FBXO38: variants seen among roughly 807,000 people sequenced by gnomAD.
FBXO38 encodes the protein F-box protein 38, also known as F-box only protein 38.
Under a neutral mutation model 131.9 loss-of-function variants are expected in FBXO38, and 53 were observed. The observed-to-expected ratio is 0.40, with a 90% CI of 0.32 to 0.51. The LOEUF (loss-of-function observed/expected upper bound fraction) is 0.51. Ranked by LOEUF, FBXO38 falls within the 20% of genes least tolerant of loss-of-function variation. The pLI is 0.53. For missense variants in FBXO38, 1,076 were observed against 1,475.6 expected (o/e 0.73, Z 4.44); for synonymous variants, 452 against 505.6 (o/e 0.89, Z 1.42).
chr5:148,402,266 G>A (rs748002554), intron 4 of FBXO38, 82 bp from the exon 5 acceptor site: 1,460 of 1,543,298 alleles, frequency 9.5e-4, no homozygotes, highest in Non-Finnish European at 1.2e-3. Context: ...GTTCCATTGT[G>A]TACTTAGCAT....
At position 148,427,733 on chromosome 5, in the gene FBXO38, C is replaced by T. The variant is rs1229191782; in HGVS notation, c.2439C>T (p.Ser813=). The T allele has an allele frequency of 2.3e-5, 37 of 1,613,770 alleles. No homozygotes were observed. The East Asian group carries it at 4.2e-4, about 18-fold the overall frequency. Residue 813 remains serine (S), a synonymous_variant, in exon 15 of 22, where the codon TCC becomes TCT. Coordinates refer to ENST00000340253, the MANE Select transcript of FBXO38 (RefSeq NM_205836.3). ...TGAATGGCCCGGATGGTACGAGATCCGCCTTTTCCTTTAGGACTCTGCCAC... is the reference window on the plus strand; with the variant it reads ...TGAATGGCCCGGATGGTACGAGATCTGCCTTTTCCTTTAGGACTCTGCCAC... The part of the protein sequence containing the change: ...CVVNGPDGTR[S]AFSFRTLPQG...
intron 1 of FBXO38, among the ~76,000 whole-genome samples, chr5:148,387,468 T>C (rs1485437637): frequency 6.6e-6 from 1 of 152,134 alleles, no homozygotes; most frequent in Non-Finnish European, 1.5e-5. Context: ...TCAATCCTGC[T>C]CCTCCTATAA....
At chr5:148,391,298 A>C (rs1758183258) in intron 1 of FBXO38, among the ~76,000 whole-genome samples, 1 of 152,206 alleles carries the variant, frequency 6.6e-6, no homozygotes, top group African/African-American at 2.4e-5. Flanking sequence ...ATATTTGAGG[A>C]TATATTGTGA....
chr5:148,404,207 A>G (rs138323412), intron 5 of FBXO38, among the ~76,000 whole-genome samples: 8 of 152,354 alleles, frequency 5.3e-5, no homozygotes, highest in Admixed American at 2.6e-4. Flanking sequence ...TCTTCCAGAT[A>G]TCTATTTGCA....
At chr5:148,392,117 T>C (rs1758226493) in intron 1 of FBXO38, among the ~76,000 whole-genome samples, 1 of 152,196 alleles carries the variant, frequency 6.6e-6, no homozygotes, top group Admixed American at 6.5e-5. Context: ...AAATTACTTA[T>C]GGCAGGCATA....
rs763088244 is a variant in FBXO38 at position 148,417,033 on chromosome 5, G to A, written c.1447G>A (p.Gly483Ser). The change falls in exon 12 of 22, where the codon GGT (glycine) becomes AGT (serine). Residue 483 changes from glycine to serine, a missense_variant. Around this residue, in one of 8 missense-constraint regions of FBXO38, gnomAD observed 146 missense variants for 274.3 expected, o/e 0.53. Transcript: ENST00000340253. ...RVGLSAGTGI[G>S]VSSALVSNQN... ...TGGTCTGAGTGCAGGCACAGGAATT[G>A]GTGTTTCATCAGCTCTTGTTAGCAA... The A allele has an allele frequency of 6.2e-7, 1 of 1,613,822 alleles. No homozygotes were observed. Among genetic ancestry groups the A allele is most frequent in the South Asian group, 1.1e-5 (1 of 91,076 alleles).
At chr5:148,387,049 A>G (rs1389678043) in intron 1 of FBXO38, among the ~76,000 whole-genome samples, 1 of 152,196 alleles carries the variant, frequency 6.6e-6, no homozygotes, top group Non-Finnish European at 1.5e-5. Context: ...GCAGTTTCTT[A>G]GGACAACAGT....
At chr5:148,440,864 T>C (rs1754640551) in intron 20 of FBXO38, among the ~76,000 whole-genome samples, 1 of 152,192 alleles carries the variant, frequency 6.6e-6, no homozygotes, top group Admixed American at 6.5e-5. Flanking sequence ...TATGGATGAT[T>C]TTAATACCTG....
At chr5:148,401,874 A>T in intron 3 of FBXO38, 108 bp from the exon 4 acceptor site, 1 of 1,033,664 alleles carries the variant, frequency 9.7e-7, no homozygotes, top group South Asian at 1.8e-5. Context: ...GCTTTACGGA[A>T]ATTTGAAGAG....
intron 2 of FBXO38, among the ~76,000 whole-genome samples, chr5:148,396,057 C>T (rs1758462214): frequency 6.6e-6 from 1 of 151,978 alleles, no homozygotes; most frequent in South Asian, 2.1e-4. Flanking sequence ...AGATCCTAAG[C>T]ACTGTATTTT....
At position 148,441,117 on chromosome 5, in the gene FBXO38, CT is replaced by C; in HGVS notation, c.3275-3del. On this transcript the variant is annotated splice_region_variant and splice_polypyrimidine_tract_variant and intron_variant, in intron 20 of 21. Coordinates refer to ENST00000340253, the MANE Select transcript of FBXO38 (RefSeq NM_205836.3). The stretch of plus-strand genomic sequence containing the variant: ...CGCCAGTTAGCAATGTTACATTTGT[CT>C]TTTAGGTGTTGTGGATGGAGCTCCA... 1.9e-6 allele frequency: 3 copies of C among 1,608,686 alleles called. No homozygotes were observed. Among genetic ancestry groups the C allele is most frequent in the Non-Finnish European group, 2.6e-6 (3 of 1,175,118 alleles).
chr5:148,396,072 T>C (rs1758463065), intron 2 of FBXO38, among the ~76,000 whole-genome samples: 1 of 152,182 alleles, frequency 6.6e-6, no homozygotes, highest in East Asian at 1.9e-4. Context: ...TATTTTTTTT[T>C]CTAATATAAA....
rs775196268 is a variant in FBXO38 at position 148,394,862 on chromosome 5, A to G, written c.86A>G (p.Tyr29Cys). 9.4e-6 allele frequency: 15 copies of G among 1,599,918 alleles called. No individual in the cohort carries two copies. The highest frequency in any genetic ancestry group is 5.2e-5 in the Admixed American group (3 of 57,268). The change falls in exon 2 of 22, where the codon TAT becomes TGT. Residue 29 changes from tyrosine (Y) to cysteine (C), a missense_variant. Tyr to Cys is a radical substitution (Grantham distance 194, BLOSUM62 -2). Around this residue, in one of 8 missense-constraint regions of FBXO38, gnomAD observed 58 missense variants for 53.1 expected, o/e 1.09. Transcript: ENST00000340253. ...EEMTADETKDYMNQLSHEVLC... is the reference protein window; with the variant it reads ...EEMTADETKDCMNQLSHEVLC... ...ATGACAGCAGATGAAACAAAGGACT[A>G]TATGAATCAACTTTCACATGAAGTA...
intron 20 of FBXO38, 57 bp downstream of exon 20, chr5:148,440,584 A>T (rs1360786635): frequency 3.8e-6 from 4 of 1,040,236 alleles, no homozygotes; most frequent in Non-Finnish European, 5.7e-6. Flanking sequence ...TTACCTCTGT[A>T]ATCCCAGCGA....
chr5:148,425,544 A>G lies in FBXO38; in HGVS notation c.1761A>G (p.Val587=). 1.2e-6 allele frequency: 2 copies of G among 1,613,714 alleles called. No homozygotes were observed. Among genetic ancestry groups the G allele is most frequent in the Non-Finnish European group, 1.7e-6 (2 of 1,179,674 alleles). ...EQAGPSGLQR[V]VKPTSITVHD... ...AAGGACCCAGTGGTCTTCAGCGTGT[A>G]GTAAAACCAACCTCAATTACTGTTC... Residue 587 remains valine (V), a synonymous_variant, in exon 14 of 22, where the codon GTA becomes GTG. Transcript: ENST00000340253.
At chr5:148,416,302 G>A (rs1753050368) in intron 11 of FBXO38, among the ~76,000 whole-genome samples, 1 of 152,100 alleles carries the variant, frequency 6.6e-6, no homozygotes, top group Non-Finnish European at 1.5e-5. Context: ...ATAAGTGGAA[G>A]CTGTCTGTTA....
intron 20 of FBXO38, among the ~76,000 whole-genome samples, chr5:148,440,901 G>T (rs1000062953): frequency 6.6e-6 from 1 of 152,218 alleles, no homozygotes; most frequent in Non-Finnish European, 1.5e-5. Context: ...GATGAAGATT[G>T]CTTTGCCTGT....
chr5:148,390,836 A>G (rs945066282), intron 1 of FBXO38, among the ~76,000 whole-genome samples: 2 of 152,214 alleles, frequency 1.3e-5, no homozygotes, highest in African/African-American at 4.8e-5. Context: ...GGAACAATCA[A>G]AGGTGGAATC....
intron 9 of FBXO38, among the ~76,000 whole-genome samples, chr5:148,411,025 T>C (rs915292763): frequency 1.1e-4 from 16 of 152,232 alleles, no homozygotes; most frequent in Non-Finnish European, 1.5e-5. Context: ...CATTTGATAT[T>C]GTCTCCACTT....
Sources: allele counts gnomAD v4.1 joint callset (sites outside exome capture counted in the v4.1 genomes callset), GRCh38; gene constraint gnomAD v4.1.1; regional missense constraint gnomAD v4.1.1; transcripts MANE v1.5; gene names NCBI Gene and HGNC (gene_info 2026-07-23, HGNC 2026-07-21).